RUNDC3B: variants seen among roughly 807,000 people sequenced by gnomAD.
RUNDC3B encodes RUN domain containing 3B.
A neutral mutation model predicts 58.4 loss-of-function variants in RUNDC3B; 33 were observed. That is an observed-to-expected ratio of 0.56 (90% confidence interval 0.43 to 0.75). The LOEUF (loss-of-function observed/expected upper bound fraction) is 0.75. RUNDC3B is among the 30% of genes least tolerant of loss of function. The pLI, the probability that RUNDC3B is intolerant of heterozygous loss-of-function variation, is 0.00. For synonymous variants in RUNDC3B, 193 were observed against 195.2 expected (o/e 0.99, Z 0.10); for missense variants, 501 against 535.7 (o/e 0.94, Z 0.64).
At chr7:87,745,468 T>A (rs10230766) in intron 6 of RUNDC3B, among the ~76,000 whole-genome samples, 3,072 of 152,236 alleles carry the variant, frequency 0.02, 113 homozygotes, top group African/African-American at 0.07. Context: ...GGTAATTTTT[T>A]AATTATCATT....
chr7:87,661,586 C>T (rs1824721073), intron 2 of RUNDC3B, among the ~76,000 whole-genome samples: 1 of 151,882 alleles, frequency 6.6e-6, no homozygotes, highest in African/African-American at 2.4e-5. Context: ...CGTGTTTTTG[C>T]AAATGATAGG....
chr7:87,757,388 A>G (rs1833431807), intron 6 of RUNDC3B, among the ~76,000 whole-genome samples: 1 of 152,188 alleles, frequency 6.6e-6, no homozygotes, highest in Non-Finnish European at 1.5e-5. Flanking sequence ...TCTATATGCC[A>G]ACAGTGAACA....
intron 8 of RUNDC3B, among the ~76,000 whole-genome samples, chr7:87,795,713 A>C (rs1188459170): frequency 6.9e-6 from 1 of 145,942 alleles, no homozygotes; most frequent in East Asian, 2.0e-4. Flanking sequence ...CCCCGTCTCT[A>C]CTAAAAATAC....
intron 2 of RUNDC3B, among the ~76,000 whole-genome samples, chr7:87,654,998 C>T (rs994097312): frequency 5.9e-5 from 9 of 151,968 alleles, no homozygotes; most frequent in Non-Finnish European, 1.0e-4. Flanking sequence ...GATATCCCCT[C>T]GTTAGAATGC....
chr7:87,628,812 G>T lies in RUNDC3B; in HGVS notation c.-12G>T, dbSNP rs1477992172. 4.9e-6 allele frequency: 6 copies of T among 1,236,460 alleles called. No homozygotes were observed. The African/African-American group carries it at 9.3e-5, about 19-fold the overall frequency. The allele number at this position is 1,236,460 out of a possible 1,614,324, so 76.6% of individuals were successfully genotyped here. A position where few individuals can be genotyped will look rare whatever the true frequency, so the allele number is the denominator to read the frequency against. On this transcript the variant is annotated 5_prime_UTR_variant, in exon 1 of 11. Transcript: ENST00000394654. Reference sequence around the variant, plus strand: ...TGGCACGAGACAAAAGGGGCACGGGGGTAAGCCCGCCATGGCCTCCCGGAG... The same window carrying T: ...TGGCACGAGACAAAAGGGGCACGGGTGTAAGCCCGCCATGGCCTCCCGGAG...
rs1300532072 is a variant in RUNDC3B at position 87,710,574 on chromosome 7, G to C, written c.377G>C (p.Arg126Thr). 6.4e-7 allele frequency: 1 copy of C among 1,564,294 alleles called. No individual in the cohort carries two copies. The change falls in exon 4 of 11, where the codon AGA (arginine) becomes ACA (threonine). Residue 126 changes from arginine (R) to threonine (T), a missense_variant. By Grantham distance (71) the Arg-to-Thr change is moderately conservative. Transcript: ENST00000394654. ...ENVSSSRAKGRAWIRVALMEK... is the reference protein window; with the variant it reads ...ENVSSSRAKGTAWIRVALMEK... ...ATTCTTTCTTCTTCCTTTTAGGGTA[G>C]AGCCTGGATCAGAGTAGCACTCATG...
chr7:87,650,132 C>G (rs1049993924), intron 1 of RUNDC3B, among the ~76,000 whole-genome samples: 1 of 152,148 alleles, frequency 6.6e-6, no homozygotes, highest in Admixed American at 6.5e-5. Context: ...GCATTTGAGT[C>G]TGCAGCTCAA....
intron 1 of RUNDC3B, among the ~76,000 whole-genome samples, chr7:87,637,545 C>G (rs1363634785): frequency 6.6e-6 from 1 of 152,092 alleles, no homozygotes; most frequent in African/African-American, 2.4e-5. Context: ...ACGTGCAACC[C>G]ATGAACATAA....
At chr7:87,748,421 C>T (rs1015476032) in intron 6 of RUNDC3B, among the ~76,000 whole-genome samples, 2 of 152,100 alleles carry the variant, frequency 1.3e-5, no homozygotes, top group African/African-American at 2.4e-5. Flanking sequence ...TTCTTACAGT[C>T]GATCTGGAGC....
chr7:87,745,900 A>T (rs1832614631), intron 6 of RUNDC3B, among the ~76,000 whole-genome samples: 1 of 151,968 alleles, frequency 6.6e-6, no homozygotes, highest in Non-Finnish European at 1.5e-5. Context: ...TTAGAACGTC[A>T]GTTTGTACTC....
At chr7:87,737,005 C>T (rs1017466432) in intron 4 of RUNDC3B, among the ~76,000 whole-genome samples, 1 of 148,458 alleles carries the variant, frequency 6.7e-6, no homozygotes, top group African/African-American at 2.5e-5. Flanking sequence ...TCAAGCCATC[C>T]TCTCACCTCA....
intron 1 of RUNDC3B, among the ~76,000 whole-genome samples, chr7:87,633,474 T>A: frequency 6.6e-6 from 1 of 152,210 alleles, no homozygotes; most frequent in East Asian, 1.9e-4. Context: ...TTTGCCTAAG[T>A]GGCCCCAGAA....
intron 2 of RUNDC3B, among the ~76,000 whole-genome samples, chr7:87,690,299 T>C: frequency 6.6e-6 from 1 of 152,194 alleles, no homozygotes; most frequent in Non-Finnish European, 1.5e-5. Context: ...ATTGTTCATG[T>C]GATCTATATT....
chr7:87,814,588 G>A (rs1007344208), intron 9 of RUNDC3B, among the ~76,000 whole-genome samples: 6 of 152,030 alleles, frequency 3.9e-5, no homozygotes, highest in African/African-American at 9.7e-5. Context: ...GTAGTTGTGA[G>A]GATGAAATAA....
chr7:87,641,138 T>C (rs1032601218), intron 1 of RUNDC3B, among the ~76,000 whole-genome samples: 1 of 152,220 alleles, frequency 6.6e-6, no homozygotes, highest in African/African-American at 2.4e-5. Flanking sequence ...TTTAATACTT[T>C]TGTTGTTCTT....
intron 1 of RUNDC3B, among the ~76,000 whole-genome samples, chr7:87,630,041 A>C (rs1021658223): frequency 1.3e-5 from 2 of 152,198 alleles, no homozygotes; most frequent in African/African-American, 4.8e-5. Flanking sequence ...TGAAACCCTA[A>C]GCATCAATTT....
At chr7:87,828,773 G>C (rs1837975501) in intron 10 of RUNDC3B, among the ~76,000 whole-genome samples, 1 of 152,160 alleles carries the variant, frequency 6.6e-6, no homozygotes, top group South Asian at 2.1e-4. Context: ...TGGTAATTCT[G>C]TTTTAAGTTC....
intron 1 of RUNDC3B, among the ~76,000 whole-genome samples, chr7:87,632,426 C>CATG (rs1349638259): frequency 6.6e-6 from 1 of 152,082 alleles, no homozygotes; most frequent in Non-Finnish European, 1.5e-5. Context: ...ATGTTGTAGA[C>CATG]TAAAAACATT....
intron 2 of RUNDC3B, among the ~76,000 whole-genome samples, chr7:87,668,642 CT>C (rs1194390548): frequency 1.8e-4 from 28 of 152,122 alleles, no homozygotes; most frequent in African/African-American, 6.5e-4. Context: ...TTAACACTGT[CT>C]TAGCTGTGTC....
Sources: allele counts gnomAD v4.1 joint callset (sites outside exome capture counted in the v4.1 genomes callset), GRCh38; gene constraint gnomAD v4.1.1; transcripts MANE v1.5; gene names NCBI Gene and HGNC (gene_info 2026-07-23, HGNC 2026-07-21).